MAGI1: variants seen among roughly 807,000 people sequenced by gnomAD.
MAGI1 encodes membrane associated guanylate kinase, WW and PDZ domain containing 1.
A neutral mutation model predicts 139.9 loss-of-function variants in MAGI1; 58 were observed. That is an observed-to-expected ratio of 0.41 (90% CI 0.34 to 0.52). MAGI1 has a LOEUF of 0.52. MAGI1 is among the 20% of genes least tolerant of loss of function. MAGI1 has a pLI of 0.12. For synonymous variants in MAGI1, 812 were observed against 737.9 expected (o/e 1.10, Z -1.63); for missense variants, 1,874 against 1,901.6 (o/e 0.99, Z 0.27).
At chr3:65,716,101 C>G (rs2032206283) in intron 1 of MAGI1, among the ~76,000 whole-genome samples, 1 of 152,210 alleles carries the variant, frequency 6.6e-6, no homozygotes, top group East Asian at 1.9e-4. Flanking sequence ...CGAGCCCCCT[C>G]AAATTGTTTT....
At chr3:65,468,935 C>T (rs1469729381) in intron 5 of MAGI1, among the ~76,000 whole-genome samples, 1 of 120,270 alleles carries the variant, frequency 8.3e-6, no homozygotes, top group East Asian at 2.4e-4. Flanking sequence ...GGCCCCATCT[C>T]AGGAAGGGAA....
intron 1 of MAGI1, among the ~76,000 whole-genome samples, chr3:65,921,266 G>T (rs1176235149): frequency 6.6e-6 from 1 of 151,682 alleles, no homozygotes; most frequent in Non-Finnish European, 1.5e-5. Context: ...GATTTGAGAA[G>T]ATAAGATTAT....
chr3:65,493,544 C>T lies in MAGI1; in HGVS notation c.518G>A (p.Ser173Asn). ...TVKEFLDLEQ[S>N]GTLLEVGTYE... is the part of the protein sequence containing the mutation. ...GGTGCCGACTTCCAGAAGAGTCCCA[C>T]TCTGCTCGAGGTCCAAGAACTCCTT... Residue 173 changes from serine to asparagine, a missense_variant, in exon 3 of 23, where the codon AGT becomes AAT. Coordinates refer to ENST00000402939, the MANE Select transcript of MAGI1 (RefSeq NM_001033057.2). The T allele has an allele frequency of 6.2e-7, 1 of 1,614,214 alleles. No individual in the cohort carries two copies. The highest frequency in any genetic ancestry group is 8.5e-7 in the Non-Finnish European group (1 of 1,180,034).
rs766635354 is a variant in MAGI1 at position 65,478,616 on chromosome 3, G to C, written c.733C>G (p.Pro245Ala). The C allele has an allele frequency of 4.3e-6, 7 of 1,613,886 alleles. No homozygotes were observed. Among genetic ancestry groups the C allele is most frequent in the Non-Finnish European group, 5.9e-6 (7 of 1,179,980 alleles). Residue 245 changes from proline to alanine, a missense_variant, in exon 4 of 23, where the codon CCT becomes GCT. Physicochemically the swap from Pro to Ala is conservative, Grantham distance 27. Around this residue, in one of 5 missense-constraint regions of MAGI1, gnomAD observed 648 missense variants for 598.1 expected, o/e 1.08. Coordinates refer to ENST00000402939, the MANE Select transcript of MAGI1 (RefSeq NM_001033057.2). ...HAENEEEDDV[P>A]EMNSSFTADS... ...CCTGTAAAGCTGCTGTTCATTTCAG[G>C]AACGTCATCCTCCTCCTCATTCTCC...
At chr3:65,558,970 T>C (rs1390970302) in intron 2 of MAGI1, among the ~76,000 whole-genome samples, 1 of 152,220 alleles carries the variant, frequency 6.6e-6, no homozygotes, top group African/African-American at 2.4e-5. Context: ...ACTCCTCTGC[T>C]AGATTAGGCT....
chr3:65,359,059 C>T (rs900819112), intron 22 of MAGI1: 2 of 1,613,264 alleles, frequency 1.2e-6, no homozygotes, highest in African/African-American at 2.7e-5. Context: ...GATTGAGCTA[C>T]AAACCGTAGT....
chr3:65,929,824 G>T (rs1195519708), intron 1 of MAGI1, among the ~76,000 whole-genome samples: 1 of 152,130 alleles, frequency 6.6e-6, no homozygotes, highest in Non-Finnish European at 1.5e-5. Context: ...AAGAAGCTGA[G>T]TTACACCAAA....
chr3:65,697,536 G>A (rs1397814149), intron 1 of MAGI1, among the ~76,000 whole-genome samples: 1 of 120,334 alleles, frequency 8.3e-6, no homozygotes, highest in Non-Finnish European at 1.7e-5. Context: ...ATGATCAAGT[G>A]GGCTTCATCC....
At position 65,797,432 on chromosome 3, in the gene MAGI1, A is replaced by C. The variant is rs148595705; in HGVS notation, c.314-175344T>G. ...TAGATTTAAAATGAGAAGAAAGAAA[A>C]CAGAAACCGGCCAGGCACACTGGCT... On this transcript the variant is annotated intron_variant, in intron 1 of 22. Coordinates refer to ENST00000402939, the MANE Select transcript of MAGI1 (RefSeq NM_001033057.2). Among the ~76,000 whole-genome samples the C allele has an allele frequency of 3.0e-3, 457 of 152,282 alleles. 3 individuals carry two copies. Among genetic ancestry groups the C allele is most frequent in the African/African-American group, 0.01 (425 of 41,556 alleles).
Position 65,688,238 on chromosome 3 carries a change from A to C in MAGI1, c.314-66150T>G, listed in dbSNP as rs1443539429. The C allele has an allele frequency of 7.3e-6, 6 of 816,868 alleles. No individual in the cohort carries two copies. In the East Asian group the frequency reaches 2.0e-4, roughly 27 times the overall value. The allele number at this position is 816,868 out of a possible 1,614,324, so 50.6% of individuals were successfully genotyped here. Reference sequence around the variant, plus strand: ...AACAGCAGGACATAGTCTGCTACACAGCCCAGACTCTGGTCTGAATCCTCT... The same window carrying C: ...AACAGCAGGACATAGTCTGCTACACCGCCCAGACTCTGGTCTGAATCCTCT... On this transcript the variant is annotated intron_variant, in intron 1 of 22. Transcript: ENST00000402939.
intron 2 of MAGI1, among the ~76,000 whole-genome samples, chr3:65,506,192 A>C (rs1288080717): frequency 1.3e-5 from 2 of 152,188 alleles, no homozygotes; most frequent in African/African-American, 4.8e-5. Flanking sequence ...CAAGGTAAAC[A>C]TTTTGGGTCT....
chr3:65,656,057 T>A (rs2085857761), intron 1 of MAGI1, among the ~76,000 whole-genome samples: 1 of 152,168 alleles, frequency 6.6e-6, no homozygotes, highest in Admixed American at 6.5e-5. Context: ...GTGGGCCTCC[T>A]CACTAACCAT....
At chr3:65,623,931 T>A (rs561555309) in intron 1 of MAGI1, among the ~76,000 whole-genome samples, 2 of 152,260 alleles carry the variant, frequency 1.3e-5, no homozygotes, top group East Asian at 1.9e-4. Context: ...GACACCCACA[T>A]GCCACATGAA....
intron 1 of MAGI1, among the ~76,000 whole-genome samples, chr3:65,852,137 G>A (rs2059225711): frequency 6.6e-6 from 1 of 152,186 alleles, no homozygotes; most frequent in African/African-American, 2.4e-5. Context: ...TAAATACCAA[G>A]CAAGTTCATG....
intron 2 of MAGI1, among the ~76,000 whole-genome samples, chr3:65,570,807 T>A (rs1268972295): frequency 6.6e-6 from 1 of 152,160 alleles, no homozygotes. Context: ...AAGCAAGAAA[T>A]AGAGACTAAA....
At chr3:65,362,634 T>C (rs1163193889) in intron 21 of MAGI1, among the ~76,000 whole-genome samples, 1 of 152,230 alleles carries the variant, frequency 6.6e-6, no homozygotes, top group Non-Finnish European at 1.5e-5. Context: ...ATCAAGATTG[T>C]GGCTTAAGTG....
At chr3:65,461,231 T>TTTA (rs1382883841) in intron 5 of MAGI1, among the ~76,000 whole-genome samples, 64 of 151,962 alleles carry the variant, frequency 4.2e-4, no homozygotes, top group South Asian at 1.2e-3. Flanking sequence ...TTATTTATTT[T>TTTA]TTGCGATGGA....
At chr3:65,895,769 C>A (rs993681580) in intron 1 of MAGI1, among the ~76,000 whole-genome samples, 1 of 152,204 alleles carries the variant, frequency 6.6e-6, no homozygotes, top group African/African-American at 2.4e-5. Flanking sequence ...TCAGTACCAT[C>A]AATATATTTG....
At chr3:65,551,593 C>T (rs572123812) in intron 2 of MAGI1, among the ~76,000 whole-genome samples, 1 of 152,354 alleles carries the variant, frequency 6.6e-6, no homozygotes, top group South Asian at 2.1e-4. Flanking sequence ...AGCCACCACG[C>T]CCGGCCCACT....
Sources: allele counts gnomAD v4.1 joint callset (sites outside exome capture counted in the v4.1 genomes callset), GRCh38; gene constraint gnomAD v4.1.1; regional missense constraint gnomAD v4.1.1; transcripts MANE v1.5; gene names NCBI Gene and HGNC (gene_info 2026-07-23, HGNC 2026-07-21).